Variants in RREB1 observed in about 807,000 individuals in gnomAD.
RREB1 encodes the protein ras responsive element binding protein 1.
RREB1 carries 27 observed loss-of-function variants against 117.8 expected under a neutral mutation model. That is an observed-to-expected ratio of 0.23 (90% CI 0.17 to 0.32). RREB1 has a LOEUF of 0.32. RREB1 is among the 10% of genes least tolerant of loss of function. The pLI is 1.00. For missense variants in RREB1, 2,577 were observed against 2,378.2 expected (o/e 1.08, Z -1.74); for synonymous variants, 1,298 against 1,026.7 (o/e 1.26, Z -5.05).
intron 1 of RREB1, among the ~76,000 whole-genome samples, chr6:7,125,948 C>T (rs1248325158): frequency 6.6e-6 from 1 of 152,110 alleles, no homozygotes; most frequent in East Asian, 1.9e-4. Context: ...ACTTCAAGGT[C>T]TGTTTCCTGC....
rs1300569796 is a variant in RREB1 at position 7,226,606 on chromosome 6, G to A, written c.847G>A (p.Asp283Asn). The A allele has an allele frequency of 1.2e-6, 2 of 1,614,138 alleles. No individual in the cohort carries two copies. The highest frequency in any genetic ancestry group is 1.1e-5 in the South Asian group (1 of 91,082). ...NNPSIPAGFH[D>N]LGFTDFSCRK... ...CCCTTCAATTCCTGCTGGCTTCCAC[G>A]ACTTAGGATTCACGGACTTCTCCTG... is the stretch of plus-strand genomic sequence containing the variant. The change falls in exon 9 of 13, where the codon GAC becomes AAC. Residue 283 changes from aspartate to asparagine, a missense_variant. Asp to Asn is a conservative substitution (Grantham distance 23, BLOSUM62 1). Coordinates refer to ENST00000379938, the MANE Select transcript of RREB1 (RefSeq NM_001003699.4).
intron 6 of RREB1, among the ~76,000 whole-genome samples, chr6:7,199,259 C>G (rs1349675203): frequency 2.0e-5 from 3 of 152,184 alleles, no homozygotes; most frequent in Non-Finnish European, 4.4e-5. Context: ...GTAACGTTTA[C>G]TCACAAAATC....
intron 11 of RREB1, 140 bp downstream of exon 11, chr6:7,240,742 TAGAAAGG>T: frequency 1.5e-6 from 1 of 684,804 alleles, no homozygotes; most frequent in Non-Finnish European, 2.3e-6. Flanking sequence ...AGCCTGTTAA[TAGAAAGG>T]CAGGCCCTGC....
At position 7,205,580 on chromosome 6, in the gene RREB1, C is replaced by T. The variant is rs72816955; in HGVS notation, c.426-5224C>T. Among the ~76,000 whole-genome samples, 609 of 152,302 alleles carry T rather than the reference C, an allele frequency of 4.0e-3. 2 individuals carry two copies. The highest frequency in any genetic ancestry group is 6.3e-3 in the Admixed American group (96 of 15,290). On this transcript the variant is annotated intron_variant, in intron 6 of 12. Coordinates refer to ENST00000379938, the MANE Select transcript of RREB1 (RefSeq NM_001003699.4). ...AGTGCTTGGATAGCTAAGAGCTTTA[C>T]CCCATTCCCAAATCTAATGACTTCC... is the stretch of plus-strand genomic sequence containing the variant.
intron 7 of RREB1, 57 bp from the exon 8 acceptor site, chr6:7,211,516 C>A (rs902919599): frequency 6.5e-7 from 1 of 1,538,618 alleles, no homozygotes. Flanking sequence ...GGCCTCTCTT[C>A]CGAAGCCATC....
intron 1 of RREB1, among the ~76,000 whole-genome samples, chr6:7,137,738 A>G (rs1296158180): frequency 1.3e-5 from 2 of 152,000 alleles, no homozygotes; most frequent in Non-Finnish European, 2.9e-5. Flanking sequence ...TGATGCTGGG[A>G]GGGAAGGATG....
At position 7,189,208 on chromosome 6, in the gene RREB1, A is replaced by G. The variant is rs1234015128; in HGVS notation, c.311A>G (p.Lys104Arg). ...GADHSCSICG[K>R]SLSSASSLDR... ...GACCACTCATGCAGCATCTGCGGAAAGTCACTGAGCTCGGCCAGCTCCCTC... is the reference window on the plus strand; with the variant it reads ...GACCACTCATGCAGCATCTGCGGAAGGTCACTGAGCTCGGCCAGCTCCCTC... Residue 104 changes from lysine to arginine, a missense_variant, in exon 6 of 13, where the codon AAG becomes AGG. Physicochemically the swap from Lys to Arg is conservative, Grantham distance 26. Coordinates refer to ENST00000379938, the MANE Select transcript of RREB1 (RefSeq NM_001003699.4). 2 of 1,613,668 alleles carry G rather than the reference A, an allele frequency of 1.2e-6. No individual in the cohort carries two copies. Among genetic ancestry groups the G allele is most frequent in the Admixed American group, 1.7e-5 (1 of 59,990 alleles).
chr6:7,184,157 C>T (rs202224312), intron 4 of RREB1, among the ~76,000 whole-genome samples: 14 of 151,750 alleles, frequency 9.2e-5, no homozygotes, highest in East Asian at 7.8e-4. Context: ...AAGGCCAGCC[C>T]GGGCAATATT....
At position 7,185,519 on chromosome 6, in the gene RREB1, A is replaced by C. The variant is rs1429605808; in HGVS notation, c.172-1915A>C. ...CGGGAGGCGGAGGTTGCAGTGAGCCAAGATCGTGCCACTGTACTCCAGCCT... is the reference window on the plus strand; with the variant it reads ...CGGGAGGCGGAGGTTGCAGTGAGCCCAGATCGTGCCACTGTACTCCAGCCT... On this transcript the variant is annotated intron_variant, in intron 4 of 12. Transcript: ENST00000379938. 3.9e-5 allele frequency among the ~76,000 whole-genome samples: 6 copies of C among 152,084 alleles called. 1 individual carries two copies. In the East Asian group the frequency reaches 1.2e-3, roughly 29 times the overall value.
At chr6:7,172,978 C>T (rs1446304619) in intron 1 of RREB1, among the ~76,000 whole-genome samples, 1 of 152,218 alleles carries the variant, frequency 6.6e-6, no homozygotes, top group Admixed American at 6.5e-5. Context: ...AAGCTCCCTC[C>T]TGGCTCAGAC....
rs778252753 is a variant in RREB1 at position 7,231,558 on chromosome 6, G to A, written c.3459G>A (p.Arg1153=). The A allele has an allele frequency of 5.0e-6, 8 of 1,610,520 alleles. No homozygotes were observed. The highest frequency in any genetic ancestry group is 1.3e-5 in the African/African-American group (1 of 74,818). ...EQGPAGTSKK[R]GRKRGMRSRP... ...GCCCAGCGGGCACGTCGAAGAAGAG[G>A]GGCCGGAAAAGGGGGATGAGGAGCC... is the stretch of plus-strand genomic sequence containing the variant. Residue 1153 remains arginine, a synonymous_variant, in exon 10 of 13, where the codon AGG becomes AGA. Coordinates refer to ENST00000379938, the MANE Select transcript of RREB1 (RefSeq NM_001003699.4).
intron 1 of RREB1, among the ~76,000 whole-genome samples, chr6:7,109,055 A>G (rs1360025328): frequency 6.7e-6 from 1 of 149,854 alleles, no homozygotes; most frequent in East Asian, 2.0e-4. Flanking sequence ...CGCCGTCACG[A>G]GCACAGGAAG....
At chr6:7,146,870 T>G (rs1229346039) in intron 1 of RREB1, among the ~76,000 whole-genome samples, 4 of 150,870 alleles carry the variant, frequency 2.7e-5, no homozygotes. Flanking sequence ...GATTCTAGTT[T>G]GTCTGGCACT....
At chr6:7,211,181 C>T (rs556177393) in intron 7 of RREB1, among the ~76,000 whole-genome samples, 2 of 152,188 alleles carry the variant, frequency 1.3e-5, no homozygotes, top group African/African-American at 2.4e-5. Flanking sequence ...CAATTGTTTC[C>T]ATGCTTTCTA....
intron 1 of RREB1, among the ~76,000 whole-genome samples, chr6:7,120,484 A>G (rs1761628858): frequency 6.6e-6 from 1 of 152,166 alleles, no homozygotes; most frequent in Non-Finnish European, 1.5e-5. Flanking sequence ...GGCATGGATG[A>G]AGCATGAACA....
chr6:7,228,656 C>T lies in RREB1; in HGVS notation c.898-341C>T, dbSNP rs117427700. On this transcript the variant is annotated intron_variant, in intron 9 of 12. Transcript: ENST00000379938. ...CAATAGCTAGGACACAGGCATGTACCACCACATCTGGCTAATTTTCTTATT... is the reference window on the plus strand; with the variant it reads ...CAATAGCTAGGACACAGGCATGTACTACCACATCTGGCTAATTTTCTTATT... Among the ~76,000 whole-genome samples, 204 of 151,980 alleles carry T rather than the reference C, an allele frequency of 1.3e-3. 4 individuals carry two copies. In the East Asian group the frequency reaches 0.035, roughly 26 times the overall value.
At chr6:7,147,030 C>G (rs921713257) in intron 1 of RREB1, among the ~76,000 whole-genome samples, 3 of 152,114 alleles carry the variant, frequency 2.0e-5, no homozygotes, top group South Asian at 2.1e-4. Context: ...TTTGGAGCAC[C>G]TTCTAACTTT....
intron 8 of RREB1, among the ~76,000 whole-genome samples, chr6:7,219,728 C>G (rs1158641168): frequency 6.6e-6 from 1 of 152,182 alleles, no homozygotes; most frequent in African/African-American, 2.4e-5. Flanking sequence ...CTTCTCTAAG[C>G]ACATATCAGA....
At chr6:7,220,145 C>T (rs1467754641) in intron 8 of RREB1, among the ~76,000 whole-genome samples, 1 of 152,190 alleles carries the variant, frequency 6.6e-6, no homozygotes, top group Non-Finnish European at 1.5e-5. Context: ...GCGTGTCATA[C>T]AGGGGGTGGG....
Sources: allele counts gnomAD v4.1 joint callset (sites outside exome capture counted in the v4.1 genomes callset), GRCh38; gene constraint gnomAD v4.1.1; transcripts MANE v1.5; gene names NCBI Gene and HGNC (gene_info 2026-07-23, HGNC 2026-07-21).